TRIM33: variants seen among roughly 807,000 people sequenced by gnomAD.
TRIM33 encodes E3 ubiquitin-protein ligase TRIM33.
Under a neutral mutation model 125.4 loss-of-function variants are expected in TRIM33, and 20 were observed. That is an observed-to-expected ratio of 0.16 (90% CI 0.11 to 0.23). The LOEUF is 0.23. Ranked by LOEUF, TRIM33 falls within the 10% of genes least tolerant of loss-of-function variation. The pLI, the probability that TRIM33 is intolerant of heterozygous loss-of-function variation, is 1.00. For missense variants in TRIM33, 920 were observed against 1,411.4 expected (o/e 0.65, Z 5.58); for synonymous variants, 564 against 513.9 (o/e 1.10, Z -1.32).
chr1:114,419,854 T>TATACATAGTAAGTAA (rs539474151), intron 11 of TRIM33, among the ~76,000 whole-genome samples: 27 of 152,362 alleles, frequency 1.8e-4, no homozygotes, highest in African/African-American at 6.5e-4. Context: ...TTTAACATCA[T>TATACATAGTAAGTAA]GTTGTTACCT....
chr1:114,397,895 T>G, intron 19 of TRIM33, 35 bp from the exon 20 acceptor site: 1 of 1,613,578 alleles, frequency 6.2e-7, no homozygotes, highest in South Asian at 1.1e-5. Context: ...CACCTATTGG[T>G]AATGCATATT....
chr1:114,489,881 G>C (rs974139100), intron 1 of TRIM33, among the ~76,000 whole-genome samples: 2 of 151,904 alleles, frequency 1.3e-5, no homozygotes, highest in Non-Finnish European at 2.9e-5. Flanking sequence ...AAAAACTTTT[G>C]TGCTGCAAAT....
rs1012468274 is a variant in TRIM33, at chr1:114,395,228, A to G, written c.*2420T>C. Reference sequence around the variant, plus strand: ...AATGGTGGTATGTTGATAGCTATTAATAGTAATTCCTCAGCAGTATACATT... The same window carrying G: ...AATGGTGGTATGTTGATAGCTATTAGTAGTAATTCCTCAGCAGTATACATT... On this transcript the variant is annotated 3_prime_UTR_variant, in exon 20 of 20. Coordinates refer to ENST00000358465, the MANE Select transcript of TRIM33 (RefSeq NM_015906.4). 1 of 206,136 alleles carries G rather than the reference A, an allele frequency of 4.9e-6. No individual in the cohort carries two copies. The highest frequency in any genetic ancestry group is 9.9e-6 in the Non-Finnish European group (1 of 100,828). The allele number at this position is 206,136 out of a possible 1,614,324, so 12.8% of individuals were successfully genotyped here.
intron 1 of TRIM33, among the ~76,000 whole-genome samples, chr1:114,506,470 T>C (rs983086679): frequency 6.6e-5 from 10 of 151,740 alleles, no homozygotes; most frequent in Admixed American, 2.0e-4. Flanking sequence ...ATCTCAGAGG[T>C]AGCCTCATCT....
chr1:114,402,233 T>C (rs1046673562), intron 16 of TRIM33, among the ~76,000 whole-genome samples: 2 of 152,202 alleles, frequency 1.3e-5, no homozygotes, highest in African/African-American at 4.8e-5. Flanking sequence ...AAGGAAATGA[T>C]AGACTTGTTT....
chr1:114,431,725 G>A (rs1262704929), intron 5 of TRIM33, among the ~76,000 whole-genome samples: 3 of 152,128 alleles, frequency 2.0e-5, no homozygotes, highest in Non-Finnish European at 4.4e-5. Context: ...TTCGAATTTA[G>A]TTAACTTTAA....
intron 1 of TRIM33, among the ~76,000 whole-genome samples, chr1:114,464,827 A>G (rs1349864145): frequency 6.6e-6 from 1 of 152,230 alleles, no homozygotes. Context: ...GGCAATTATA[A>G]TAACAATGGA....
intron 2 of TRIM33, 52 bp from the exon 3 acceptor site, chr1:114,463,608 TAAAA>T (rs34437690): frequency 8.4e-6 from 7 of 829,916 alleles, no homozygotes; most frequent in East Asian, 2.9e-5. Flanking sequence ...AATCTAGATC[TAAAA>T]AAAAAAAAAA....
At chr1:114,480,467 T>A (rs1233670309) in intron 1 of TRIM33, among the ~76,000 whole-genome samples, 3 of 87,740 alleles carry the variant, frequency 3.4e-5, no homozygotes, top group African/African-American at 5.1e-5. Flanking sequence ...CACCCAAGAA[T>A]GATCAATTTA....
intron 1 of TRIM33, among the ~76,000 whole-genome samples, chr1:114,481,111 T>G (rs776546720): frequency 9.2e-5 from 14 of 151,446 alleles, no homozygotes; most frequent in Non-Finnish European, 1.6e-4. Context: ...AGACGGAGGT[T>G]GCAATGAGCC....
At chr1:114,410,382 C>T in intron 11 of TRIM33, 66 bp from the exon 12 acceptor site, 1 of 1,480,342 alleles carries the variant, frequency 6.8e-7, no homozygotes. Context: ...AATTTTATGT[C>T]ACTGCTTATA....
At chr1:114,447,928 G>A (rs760924492) in intron 4 of TRIM33, among the ~76,000 whole-genome samples, 1 of 152,188 alleles carries the variant, frequency 6.6e-6, no homozygotes, top group Non-Finnish European at 1.5e-5. Context: ...TCAAAAGCAT[G>A]TAAATTTACA....
Position 114,402,768 on chromosome 1 carries a change from C to T in TRIM33, c.2884G>A (p.Asp962Asn), listed in dbSNP as rs1295780564. Residue 962 changes from aspartate to asparagine, a missense_variant, in exon 16 of 20, where the codon GAC (aspartate) becomes AAC (asparagine). Transcript: ENST00000358465. Reference sequence around the variant, plus strand: ...ACTTATTTGACACTTACCCTTTGGTCCACGGGGCTTAACCCCTGCGCAGTT... The same window carrying T: ...ACTTATTTGACACTTACCCTTTGGTTCACGGGGCTTAACCCCTGCGCAGTT... The part of the protein sequence containing the change: ...GKTAQGLSPV[D>N]QRKCERLLLY... 4 of 1,612,966 alleles carry T rather than the reference C, an allele frequency of 2.5e-6. No individual in the cohort carries two copies. The highest frequency in any genetic ancestry group is 3.4e-6 in the Non-Finnish European group (4 of 1,179,638).
intron 1 of TRIM33, among the ~76,000 whole-genome samples, chr1:114,475,005 C>T (rs1341422502): frequency 6.6e-6 from 1 of 151,764 alleles, no homozygotes; most frequent in East Asian, 1.9e-4. Context: ...TAAAGATATC[C>T]ATTCTCAGGA....
intron 4 of TRIM33, among the ~76,000 whole-genome samples, chr1:114,437,563 T>C (rs1273805927): frequency 2.0e-5 from 3 of 152,158 alleles, no homozygotes; most frequent in African/African-American, 7.2e-5. Context: ...GGTCTCAGTC[T>C]CTTGACCTCA....
At chr1:114,414,822 T>C (rs988119681) in intron 11 of TRIM33, among the ~76,000 whole-genome samples, 4 of 152,120 alleles carry the variant, frequency 2.6e-5, no homozygotes, top group Admixed American at 2.6e-4. Context: ...TTAAGCATAA[T>C]ACAAAAGCGT....
chr1:114,421,483 T>A lies in TRIM33; in HGVS notation c.2014A>T (p.Thr672Ser), dbSNP rs1572034025. Reference sequence around the variant, plus strand: ...AGCGATGGAAGGTTTTCTGGATTGGTAACTGAGGGGATTAGCTCTATTGCT... The same window carrying A: ...AGCGATGGAAGGTTTTCTGGATTGGAAACTGAGGGGATTAGCTCTATTGCT... ...VTAIELIPSV[T>S]NPENLPSLPD... The change falls in exon 11 of 20, where the codon ACC (threonine) becomes TCC (serine). Residue 672 changes from threonine to serine, a missense_variant. Coordinates refer to ENST00000358465, the MANE Select transcript of TRIM33 (RefSeq NM_015906.4). 1.9e-6 allele frequency: 3 copies of A among 1,614,170 alleles called. No individual in the cohort carries two copies. Among genetic ancestry groups the A allele is most frequent in the African/African-American group, 2.7e-5 (2 of 75,030 alleles).
chr1:114,488,847 G>GC (rs1651880100), intron 1 of TRIM33, among the ~76,000 whole-genome samples: 1 of 152,100 alleles, frequency 6.6e-6, no homozygotes, highest in Non-Finnish European at 1.5e-5. Context: ...CAGCAACATA[G>GC]CAAGAACCCA....
intron 1 of TRIM33, among the ~76,000 whole-genome samples, chr1:114,498,252 G>A (rs1418246884): frequency 1.3e-5 from 2 of 152,060 alleles, no homozygotes; most frequent in South Asian, 2.1e-4. Flanking sequence ...ATTTTGCCTG[G>A]GGAAGAAAAA....
Sources: gnomAD v4.1 joint callset for allele counts (sites outside exome capture counted in the v4.1 genomes callset) on GRCh38, gnomAD v4.1.1 for gene constraint, MANE v1.5 for transcripts, NCBI Gene and HGNC (gene_info 2026-07-23, HGNC 2026-07-21) for gene names.